The following NOTCH2 variants were observed in gnomAD, a reference collection of about 807,000 sequenced individuals.
NOTCH2 encodes notch receptor 2, also known as neurogenic locus notch homolog protein 2.
In NOTCH2, 29 loss-of-function variants were observed where a neutral mutation model predicts 235.8. That is an observed-to-expected ratio of 0.12 (90% confidence interval 0.09 to 0.17). The LOEUF is 0.17. Ranked by LOEUF, NOTCH2 falls within the 10% of genes least tolerant of loss-of-function variation. The pLI, the probability that NOTCH2 is intolerant of heterozygous loss-of-function variation, is 1.00. For missense variants in NOTCH2, 2,285 were observed against 3,150.2 expected, an observed-to-expected ratio of 0.73 and a Z score of 6.57; for synonymous variants, 1,086 against 1,141.5, an observed-to-expected ratio of 0.95 and a Z score of 0.98.
intron 22 of NOTCH2, among the ~76,000 whole-genome samples, chr1:119,930,814 A>G (rs191399544): frequency 6.7e-6 from 1 of 148,834 alleles, no homozygotes; most frequent in African/African-American, 2.5e-5. Flanking sequence ...AAAAAAAGGT[A>G]CAGGCTGGGT....
intron 5 of NOTCH2, among the ~76,000 whole-genome samples, chr1:119,979,575 CAA>C (rs1651731793): frequency 6.6e-6 from 1 of 152,028 alleles, no homozygotes; most frequent in African/African-American, 2.4e-5. Context: ...TAAAATTATT[CAA>C]AGATACTTAT....
intron 5 of NOTCH2, among the ~76,000 whole-genome samples, chr1:119,985,253 A>G (rs1187926412): frequency 6.6e-6 from 1 of 152,178 alleles, no homozygotes; most frequent in Non-Finnish European, 1.5e-5. Flanking sequence ...GAATAACAAA[A>G]AAAAAACTGA....
chr1:119,925,223 T>C (rs1020352333), intron 25 of NOTCH2, 82 bp downstream of exon 25: 2 of 1,565,508 alleles, frequency 1.3e-6, no homozygotes, highest in African/African-American at 2.7e-5. Flanking sequence ...GCTGAAGCAC[T>C]GGAGTGGTTA....
intron 5 of NOTCH2, among the ~76,000 whole-genome samples, chr1:119,985,250 A>G (rs1246088576): frequency 6.7e-6 from 1 of 148,390 alleles, no homozygotes; most frequent in African/African-American, 2.5e-5. Flanking sequence ...GATGAATAAC[A>G]AAAAAAAAAC....
Position 119,967,559 on chromosome 1 carries a change from C to T in NOTCH2, c.1327G>A (p.Glu443Lys), listed in dbSNP as rs1553199832. 2 of 1,614,002 alleles carry T rather than the reference C, an allele frequency of 1.2e-6. No individual in the cohort carries two copies. The highest frequency in any genetic ancestry group is 1.7e-6 in the Non-Finnish European group (2 of 1,180,008). The change falls in exon 8 of 34, where the codon GAG becomes AAG. Residue 443 changes from glutamate (E) to lysine (K), a missense_variant. Physicochemically the swap from Glu to Lys is moderately conservative, Grantham distance 56. Around this residue, in one of 6 missense-constraint regions of NOTCH2, gnomAD observed 431 missense variants for 757.8 expected, o/e 0.57. Coordinates refer to ENST00000256646, the MANE Select transcript of NOTCH2 (RefSeq NM_024408.4). ...CVNTDGAFHC[E>K]CLKGYAGPRC... ...GGTCCTGCATAACCCTTCAGACACT[C>T]ACAGTGGAAGGCGCCATCCGTGTTC...
chr1:119,944,771 C>T (rs1049434832), intron 17 of NOTCH2, among the ~76,000 whole-genome samples: 4 of 152,182 alleles, frequency 2.6e-5, no homozygotes, highest in African/African-American at 7.2e-5. Flanking sequence ...ATTCTCCTCC[C>T]TGTGAAAATA....
intron 10 of NOTCH2, among the ~76,000 whole-genome samples, chr1:119,964,144 G>A (rs936724232): frequency 5.9e-5 from 9 of 151,996 alleles, no homozygotes; most frequent in African/African-American, 2.2e-4. Flanking sequence ...ATTTATCTTT[G>A]TATTTCTTTC....
chr1:120,000,493 C>CA (rs1652706327), intron 3 of NOTCH2, among the ~76,000 whole-genome samples: 1 of 141,474 alleles, frequency 7.1e-6, no homozygotes. Context: ...GAGATTGTGC[C>CA]CTGCACTCCA....
Position 119,953,530 on chromosome 1 carries a change from CT to C in NOTCH2, c.2365+12del. 6.2e-7 allele frequency: 1 copy of C among 1,613,932 alleles called. No homozygotes were observed. Reference sequence around the variant, plus strand: ...CAAAGAGCAGACGCAGAAAGATGTACTTTTGTTTTCACCTTTAAAGCCCTTC... The same window carrying C: ...CAAAGAGCAGACGCAGAAAGATGTACTTTGTTTTCACCTTTAAAGCCCTTC... On this transcript the variant is annotated intron_variant, in intron 14 of 33. Coordinates refer to ENST00000256646, the MANE Select transcript of NOTCH2 (RefSeq NM_024408.4).
chr1:119,937,755 T>A, intron 20 of NOTCH2, 102 bp downstream of exon 20: 1 of 1,325,264 alleles, frequency 7.5e-7, no homozygotes, highest in South Asian at 1.2e-5. Flanking sequence ...CACTACTATC[T>A]GCCCTTCCCT....
rs1653343736 is a variant in NOTCH2, at chr1:120,014,435, T to A, written c.156-8847A>T. Among the ~76,000 whole-genome samples, 5 of 150,940 alleles carry A rather than the reference T, an allele frequency of 3.3e-5. No homozygotes were observed. The South Asian group carries it at 1.0e-3, about 31-fold the overall frequency. On this transcript the variant is annotated intron_variant, in intron 2 of 33. Coordinates refer to ENST00000256646, the MANE Select transcript of NOTCH2 (RefSeq NM_024408.4). ...AAAAAAAAAGTGTCATTTCTGACAT[T>A]GAGAGGTCCACATTTCCATTGTTAC... is the stretch of plus-strand genomic sequence containing the variant.
At chr1:119,946,029 A>G (rs1439379942) in intron 17 of NOTCH2, among the ~76,000 whole-genome samples, 1 of 152,132 alleles carries the variant, frequency 6.6e-6, no homozygotes, top group East Asian at 1.9e-4. Context: ...ATAGACTATT[A>G]AAGCACAGTA....
At chr1:119,974,995 C>T (rs1026274658) in intron 5 of NOTCH2, among the ~76,000 whole-genome samples, 1 of 152,188 alleles carries the variant, frequency 6.6e-6, no homozygotes, top group Non-Finnish European at 1.5e-5. Flanking sequence ...CTAACATGCT[C>T]ATTTTACAGA....
intron 22 of NOTCH2, among the ~76,000 whole-genome samples, chr1:119,934,010 T>G (rs587671634): frequency 6.6e-6 from 1 of 152,330 alleles, no homozygotes; most frequent in Non-Finnish European, 1.5e-5. Context: ...AAACCACATA[T>G]CTAAAACACA....
At chr1:119,940,482 A>G in intron 19 of NOTCH2, 73 bp downstream of exon 19, 1 of 1,357,702 alleles carries the variant, frequency 7.4e-7, no homozygotes, top group Non-Finnish European at 1.0e-6. Flanking sequence ...GAACTTATTC[A>G]GACTAGAAAG....
intron 2 of NOTCH2, among the ~76,000 whole-genome samples, chr1:120,017,391 C>G (rs1278371560): frequency 1.3e-5 from 2 of 152,122 alleles, no homozygotes; most frequent in African/African-American, 4.8e-5. Context: ...TCTTATAACC[C>G]TGAGCCTGTG....
chr1:119,958,070 A>C (rs959067985), intron 12 of NOTCH2, among the ~76,000 whole-genome samples: 1 of 152,150 alleles, frequency 6.6e-6, no homozygotes, highest in Non-Finnish European at 1.5e-5. Flanking sequence ...CCTAGCTCAA[A>C]ATTAGTTCTT....
intron 33 of NOTCH2, 96 bp from the exon 34 acceptor site, chr1:119,916,790 G>GAA (rs1649094690): frequency 4.8e-6 from 6 of 1,238,748 alleles, no homozygotes; most frequent in Non-Finnish European, 7.0e-6. Context: ...CCTTAGACAT[G>GAA]TTTTCCTAAT....
In NOTCH2 at chr1:120,001,276, A is replaced by G. The variant is rs3103927; in HGVS notation, c.416-3944T>C. Among the ~76,000 whole-genome samples, 11 of 152,080 alleles carry G rather than the reference A, an allele frequency of 7.2e-5. No homozygotes were observed. In the South Asian group the frequency reaches 1.3e-3, roughly 17 times the overall value. On this transcript the variant is annotated intron_variant, in intron 3 of 33. Transcript: ENST00000256646. ...GAGTGGGGTTTTTGCCAGAGTGCCAACTATCCCGAGGGAAACTTTGGAGGG... is the reference window on the plus strand; with the variant it reads ...GAGTGGGGTTTTTGCCAGAGTGCCAGCTATCCCGAGGGAAACTTTGGAGGG...
Sources: allele counts gnomAD v4.1 joint callset (sites outside exome capture counted in the v4.1 genomes callset), GRCh38; gene constraint gnomAD v4.1.1; regional missense constraint gnomAD v4.1.1; transcripts MANE v1.5; gene names NCBI Gene and HGNC (gene_info 2026-07-23, HGNC 2026-07-21).